Variants in AFAP1 observed in about 807,000 individuals in gnomAD.
The protein encoded by AFAP1 is actin filament associated protein 1, also known as actin filament-associated protein 1.
In AFAP1, 75 loss-of-function variants were observed where a neutral mutation model predicts 93.9. The ratio of observed to expected loss-of-function variants is 0.80; its 90% CI spans 0.66 to 0.97. AFAP1 has a LOEUF of 0.97. AFAP1 is among the 50% of genes least tolerant of loss of function. The pLI is 0.00. For synonymous variants in AFAP1, 517 were observed against 430.7 expected (o/e 1.20, Z -2.48); for missense variants, 1,201 against 1,050.8 (o/e 1.14, Z -1.98).
At chr4:7,835,926 A>G (rs1712242085) in intron 6 of AFAP1, among the ~76,000 whole-genome samples, 1 of 152,106 alleles carries the variant, frequency 6.6e-6, no homozygotes. Flanking sequence ...CCCTGAATTG[A>G]GAATAAACTA....
At chr4:7,892,267 C>T (rs1577339227) in intron 1 of AFAP1, among the ~76,000 whole-genome samples, 1 of 152,138 alleles carries the variant, frequency 6.6e-6, no homozygotes, top group African/African-American at 2.4e-5. Context: ...ACAGGCCTCT[C>T]GACATGGAAT....
At chr4:7,938,846 G>A (rs915702659) in intron 1 of AFAP1, among the ~76,000 whole-genome samples, 4 of 152,078 alleles carry the variant, frequency 2.6e-5, no homozygotes, top group African/African-American at 9.7e-5. Context: ...GCGCGGCGGT[G>A]GGACGCGCGG....
chr4:7,889,897 G>A (rs1184008757), intron 1 of AFAP1, among the ~76,000 whole-genome samples: 1 of 148,312 alleles, frequency 6.7e-6, no homozygotes, highest in Non-Finnish European at 1.5e-5. Flanking sequence ...AATAAAAAGA[G>A]AGATACTATA....
At chr4:7,807,371 C>T (rs1015920624) in intron 9 of AFAP1, among the ~76,000 whole-genome samples, 5 of 152,196 alleles carry the variant, frequency 3.3e-5, no homozygotes, top group African/African-American at 1.2e-4. Flanking sequence ...CCAAGAAAGG[C>T]AGAGGTCAGC....
intron 1 of AFAP1, among the ~76,000 whole-genome samples, chr4:7,882,767 G>A (rs1290138252): frequency 1.3e-5 from 2 of 152,184 alleles, no homozygotes; most frequent in Non-Finnish European, 2.9e-5. Flanking sequence ...GCTGAGGCAG[G>A]AGAATCGCTT....
chr4:7,816,445 A>G (rs1291118564), intron 7 of AFAP1, among the ~76,000 whole-genome samples: 2 of 152,234 alleles, frequency 1.3e-5, no homozygotes, highest in East Asian at 1.9e-4. Flanking sequence ...ACCAAGCCAT[A>G]TTATCCTCGC....
intron 12 of AFAP1, among the ~76,000 whole-genome samples, chr4:7,783,880 G>A (rs754029850): frequency 9.2e-5 from 14 of 152,184 alleles, no homozygotes; most frequent in African/African-American, 2.4e-4. Flanking sequence ...TGGGGGGGAC[G>A]GGCTAGACAC....
At chr4:7,830,752 G>C (rs985827243) in intron 6 of AFAP1, among the ~76,000 whole-genome samples, 3 of 152,068 alleles carry the variant, frequency 2.0e-5, no homozygotes, top group Non-Finnish European at 4.4e-5. Flanking sequence ...TGGGACTATA[G>C]GCTATGCCAC....
intron 6 of AFAP1, among the ~76,000 whole-genome samples, chr4:7,827,347 G>A (rs552175347): frequency 1.1e-4 from 16 of 152,080 alleles, no homozygotes; most frequent in Admixed American, 5.2e-4. Context: ...TGAGGCAGGC[G>A]GATCACCTGA....
chr4:7,824,698 C>T (rs1019869170), intron 6 of AFAP1, among the ~76,000 whole-genome samples: 4 of 152,088 alleles, frequency 2.6e-5, no homozygotes, highest in African/African-American at 7.2e-5. Flanking sequence ...CTAAATAATG[C>T]CTACACGTGA....
chr4:7,937,112 T>C (rs913034925), intron 1 of AFAP1, among the ~76,000 whole-genome samples: 1 of 152,226 alleles, frequency 6.6e-6, no homozygotes, highest in African/African-American at 2.4e-5. Flanking sequence ...ATAGTGAAGA[T>C]GTTGCACATA....
At chr4:7,932,848 T>C (rs138301563) in intron 1 of AFAP1, among the ~76,000 whole-genome samples, 3,746 of 151,940 alleles carry the variant, frequency 0.025, 146 homozygotes, top group African/African-American at 0.084. Flanking sequence ...AGTGAAACCC[T>C]GTCTCTACAA....
At chr4:7,913,949 T>C (rs973617009) in intron 1 of AFAP1, among the ~76,000 whole-genome samples, 2 of 152,254 alleles carry the variant, frequency 1.3e-5, no homozygotes, top group Non-Finnish European at 2.9e-5. Context: ...ATAATACATG[T>C]AATGTATGTG....
At chr4:7,857,382 G>T (rs191406868) in intron 3 of AFAP1, among the ~76,000 whole-genome samples, 2 of 152,194 alleles carry the variant, frequency 1.3e-5, no homozygotes, top group African/African-American at 4.8e-5. Context: ...ATGAAGAAGA[G>T]AACTCACTCC....
At chr4:7,799,912 G>T (rs1328792286) in intron 10 of AFAP1, among the ~76,000 whole-genome samples, 1 of 152,166 alleles carries the variant, frequency 6.6e-6, no homozygotes, top group Non-Finnish European at 1.5e-5. Context: ...AAACAGCAAA[G>T]GCGCTCTTTC....
At position 7,939,691 on chromosome 4, in the gene AFAP1, G is replaced by A. The variant is rs779747052; in HGVS notation, c.-38C>T. ...CACCTCGCAGCGCTCGCTCCTCGCC[G>A]CGGCGCCTGGGCCGACTGGAGCGCA... On this transcript the variant is annotated 5_prime_UTR_variant, in exon 1 of 18. Coordinates refer to ENST00000420658, the MANE Select transcript of AFAP1 (RefSeq NM_001134647.2). The surrounding 1 kb of genome is among the most constrained non-coding windows in gnomAD (Gnocchi z 5.6). The A allele has an allele frequency of 6.8e-4, 283 of 416,346 alleles. 3 individuals carry two copies. Among genetic ancestry groups the A allele is most frequent in the South Asian group, 1.8e-3 (110 of 60,884 alleles). 25.8% of individuals were successfully genotyped at this position (416,346 alleles called of 1,614,324 possible). A position where few individuals can be genotyped will look rare whatever the true frequency, so the allele number is the denominator to read the frequency against.
intron 9 of AFAP1, among the ~76,000 whole-genome samples, chr4:7,805,465 C>T (rs919948000): frequency 1.3e-5 from 2 of 152,042 alleles, no homozygotes; most frequent in Non-Finnish European, 2.9e-5. Context: ...GTCTGGTATG[C>T]TTAGGTGATG....
chr4:7,789,402 C>G (rs529733373), intron 11 of AFAP1, among the ~76,000 whole-genome samples: 1 of 144,472 alleles, frequency 6.9e-6, no homozygotes, highest in East Asian at 2.0e-4. Flanking sequence ...GCACCAGCCC[C>G]GGCTTTCCAT....
intron 3 of AFAP1, among the ~76,000 whole-genome samples, chr4:7,860,514 G>C (rs1465015905): frequency 6.6e-6 from 1 of 152,160 alleles, no homozygotes; most frequent in Non-Finnish European, 1.5e-5. Flanking sequence ...TGGGATGCTT[G>C]ATACATATTT....
Sources: gnomAD v4.1 joint callset for allele counts (sites outside exome capture counted in the v4.1 genomes callset) on GRCh38, gnomAD v4.1.1 for gene constraint, Gnocchi (gnomAD v3.1) non-coding constraint, MANE v1.5 for transcripts, NCBI Gene and HGNC (gene_info 2026-07-23, HGNC 2026-07-21) for gene names.